The following HIVEP3 variants were observed in gnomAD, a reference collection of about 807,000 sequenced individuals.
HIVEP3 encodes HIVEP zinc finger 3, also known as transcription factor HIVEP3.
In HIVEP3, 49 loss-of-function variants were observed where a neutral mutation model predicts 152.8. That is an observed-to-expected ratio of 0.32 (90% CI 0.26 to 0.41). HIVEP3 has a LOEUF of 0.41. Among genes scored for constraint, HIVEP3 ranks in the 10% least tolerant of loss-of-function variants. HIVEP3 has a pLI of 1.00. For missense variants in HIVEP3, 2,790 were observed against 3,103.3 expected (o/e 0.90, Z 2.40); for synonymous variants, 1,269 against 1,289.0 (o/e 0.98, Z 0.33).
chr1:41,840,242 T>C (rs1643248598), intron 1 of HIVEP3, among the ~76,000 whole-genome samples: 1 of 152,158 alleles, frequency 6.6e-6, no homozygotes, highest in Non-Finnish European at 1.5e-5. Flanking sequence ...AAATAGAGTC[T>C]TTGCAGATAT....
rs1041384349 is a variant in HIVEP3 at position 41,513,379 on chromosome 1, C to T, written c.5842G>A (p.Gly1948Ser). 3.3e-5 allele frequency: 53 copies of T among 1,611,976 alleles called. No homozygotes were observed. Among genetic ancestry groups the T allele is most frequent in the Non-Finnish European group, 4.4e-5 (52 of 1,179,396 alleles). Residue 1948 changes from glycine to serine, a missense_variant, in exon 8 of 9, where the codon GGC (glycine) becomes AGC (serine). Around this residue, in one of 9 missense-constraint regions of HIVEP3, gnomAD observed 816 missense variants for 806.5 expected, o/e 1.01. Coordinates refer to ENST00000372583, the MANE Select transcript of HIVEP3 (RefSeq NM_024503.5). ...GLPWLGPAPL[G>S]SVEKDTGSAL... is the part of the protein sequence containing the mutation. The stretch of plus-strand genomic sequence containing the variant: ...GAGCCTGTGTCTTTCTCCACAGAGC[C>T]CAGAGGGGCCGGTCCCAGCCAGGGG...
intron 1 of HIVEP3, among the ~76,000 whole-genome samples, chr1:41,889,001 T>C (rs1473368445): frequency 2.4e-5 from 3 of 123,918 alleles, no homozygotes; most frequent in African/African-American, 9.6e-5. Context: ...ACACACCACA[T>C]ACCACATACA....
At chr1:41,982,163 A>T (rs1645297150) in intron 1 of HIVEP3, among the ~76,000 whole-genome samples, 1 of 152,240 alleles carries the variant, frequency 6.6e-6, no homozygotes, top group South Asian at 2.1e-4. Flanking sequence ...GCAACCATAC[A>T]GCATTGAAAG....
At chr1:41,874,146 G>C (rs1283384311) in intron 1 of HIVEP3, among the ~76,000 whole-genome samples, 1 of 152,208 alleles carries the variant, frequency 6.6e-6, no homozygotes, top group Non-Finnish European at 1.5e-5. Context: ...CAGAAATATA[G>C]TTAACTGCCT....
intron 1 of HIVEP3, among the ~76,000 whole-genome samples, chr1:41,707,790 G>A (rs1199899987): frequency 6.6e-6 from 1 of 152,222 alleles, no homozygotes; most frequent in Non-Finnish European, 1.5e-5. Context: ...ATATGATAGA[G>A]TTGTGGGAAG....
At chr1:41,752,208 G>A (rs569489393) in intron 1 of HIVEP3, among the ~76,000 whole-genome samples, 1 of 152,318 alleles carries the variant, frequency 6.6e-6, no homozygotes, top group East Asian at 1.9e-4. Context: ...CCGGATGACT[G>A]ACTTTCAAAA....
At chr1:41,780,874 A>C (rs192216849) in intron 1 of HIVEP3, among the ~76,000 whole-genome samples, 17 of 152,352 alleles carry the variant, frequency 1.1e-4, no homozygotes, top group African/African-American at 4.1e-4. Flanking sequence ...ACCTCCCCAG[A>C]GGCCACCAAG....
At chr1:41,777,309 C>T (rs1267957562) in intron 1 of HIVEP3, among the ~76,000 whole-genome samples, 1 of 152,232 alleles carries the variant, frequency 6.6e-6, no homozygotes, top group Non-Finnish European at 1.5e-5. Context: ...CCTCCTGCCA[C>T]CAGCCTCCAC....
chr1:41,527,177 C>CCATCACATG (rs1642988472), intron 5 of HIVEP3, among the ~76,000 whole-genome samples: 1 of 139,768 alleles, frequency 7.2e-6, no homozygotes, highest in Non-Finnish European at 1.6e-5. Flanking sequence ...CACCCACACA[C>CCATCACATG]CCACTCACCT....
Position 42,027,275 on chromosome 1 carries a change from C to T in HIVEP3, n.119+8532G>A, listed in dbSNP as rs1221413763. Among the ~76,000 whole-genome samples the T allele has an allele frequency of 4.6e-5, 7 of 152,140 alleles. No homozygotes were observed. In the East Asian group the frequency reaches 5.8e-4, roughly 13 times the overall value. On this transcript the variant is annotated intron_variant and non_coding_transcript_variant, in intron 1 of 3. Transcript: ENST00000489103. ...TATTCAAAACTTGTCCACTTCTTAC[C>T]ATCTCCAATTCTCTTTTAGTCCAAG...
At chr1:41,911,830 G>A (rs1644801052) in intron 1 of HIVEP3, among the ~76,000 whole-genome samples, 1 of 152,128 alleles carries the variant, frequency 6.6e-6, no homozygotes, top group African/African-American at 2.4e-5. Flanking sequence ...GCCAGAGCTG[G>A]TACCCAAGAC....
intron 1 of HIVEP3, among the ~76,000 whole-genome samples, chr1:41,960,746 G>C (rs190264741): frequency 3.4e-4 from 51 of 152,224 alleles, no homozygotes; most frequent in Admixed American, 2.7e-3. Context: ...CACGCCCACA[G>C]TGTTTACAGC....
chr1:41,526,233 ACCCTCACACTCG>A (rs1642899247), intron 5 of HIVEP3, among the ~76,000 whole-genome samples: 1 of 150,888 alleles, frequency 6.6e-6, no homozygotes, highest in South Asian at 2.1e-4. Flanking sequence ...CCACACCCCC[ACCCTCACACTCG>A]CCCTCACACA....
At chr1:41,832,512 C>T (rs1235814179) in intron 1 of HIVEP3, among the ~76,000 whole-genome samples, 1 of 152,150 alleles carries the variant, frequency 6.6e-6, no homozygotes, top group African/African-American at 2.4e-5. Flanking sequence ...GCCTGGATGA[C>T]ACAGTGAGAC....
intron 3 of HIVEP3, among the ~76,000 whole-genome samples, chr1:41,604,445 G>A (rs1216924746): frequency 6.6e-6 from 1 of 152,238 alleles, no homozygotes. Flanking sequence ...GTGTGATGAT[G>A]TGAATGTGGA....
intron 1 of HIVEP3, among the ~76,000 whole-genome samples, chr1:41,753,710 A>AAATAAAT (rs1263139264): frequency 1.3e-5 from 1 of 77,264 alleles, no homozygotes; most frequent in Non-Finnish European, 3.4e-5. Flanking sequence ...AATAAATAAA[A>AAATAAAT]ATAGAAAACA....
Position 41,582,180 on chromosome 1 carries a change from G to T in HIVEP3, c.2618C>A (p.Pro873Gln). ...EPDRPDTEPE[P>Q]PPKEPEKTEE... is the part of the protein sequence containing the mutation. ...AGTCTTCTCAGGTTCCTTAGGGGGC[G>T]GCTCTGGCTCTGTGTCCGGCCGGTC... is the stretch of plus-strand genomic sequence containing the variant. Residue 873 changes from proline to glutamine, a missense_variant, in exon 4 of 9, where the codon CCG becomes CAG. Pro to Gln is a moderately conservative substitution (Grantham distance 76). Transcript: ENST00000372583. The surrounding 1 kb of genome is among the most constrained non-coding windows in gnomAD (Gnocchi z 4.7). 1 of 1,613,994 alleles carries T rather than the reference G, an allele frequency of 6.2e-7. No homozygotes were observed. The highest frequency in any genetic ancestry group is 1.3e-5 in the African/African-American group (1 of 75,012).
intron 1 of HIVEP3, among the ~76,000 whole-genome samples, chr1:41,986,737 G>C (rs894995929): frequency 6.6e-6 from 1 of 152,240 alleles, no homozygotes; most frequent in Admixed American, 6.5e-5. Context: ...ACCGCGCCCT[G>C]CCGAATAGGA....
chr1:42,007,227 A>T (rs1645465126), intron 1 of HIVEP3, among the ~76,000 whole-genome samples: 2 of 152,216 alleles, frequency 1.3e-5, no homozygotes. Flanking sequence ...TTGCAAAAGC[A>T]CATGCCCTCG....
Sources: allele counts gnomAD v4.1 joint callset (sites outside exome capture counted in the v4.1 genomes callset), GRCh38; gene constraint gnomAD v4.1.1; regional missense constraint gnomAD v4.1.1; non-coding constraint Gnocchi (gnomAD v3.1); transcripts MANE v1.5; gene names NCBI Gene and HGNC (gene_info 2026-07-23, HGNC 2026-07-21).